The following ARHGAP9 variants were observed in gnomAD, a reference collection of about 807,000 sequenced individuals.
The protein encoded by ARHGAP9 is rho GTPase-activating protein 9.
Under a neutral mutation model 87.3 loss-of-function variants are expected in ARHGAP9, and 76 were observed. That is an observed-to-expected ratio of 0.87 (90% CI 0.72 to 1.05). ARHGAP9 has a LOEUF of 1.05. ARHGAP9 is among the 50% of genes least tolerant of loss of function. ARHGAP9 has a pLI of 0.00. For missense variants in ARHGAP9, 941 were observed against 960.5 expected, an observed-to-expected ratio of 0.98 and a Z score of 0.27; for synonymous variants, 382 against 394.9, an observed-to-expected ratio of 0.97 and a Z score of 0.39.
rs1874177157 is a variant in ARHGAP9, at chr12:57,477,454, C to T, written c.756+5G>A. On this transcript the variant is annotated splice_donor_5th_base_variant and intron_variant, in intron 4 of 17. Transcript: ENST00000393791. ...ACAGTGGAGAAGCAGGAGGTAAGGT[C>T]TCACCGTCTCGCTGCGACTGCGGCG... 4 of 1,613,820 alleles carry T rather than the reference C, an allele frequency of 2.5e-6. No individual in the cohort carries two copies. The highest frequency in any genetic ancestry group is 3.4e-6 in the Non-Finnish European group (4 of 1,179,868).
At chr12:57,479,944 A>C (rs1219428404), upstream of ARHGAP9, 1 of 1,414,388 alleles carries the variant, frequency 7.1e-7, no homozygotes, top group Non-Finnish European at 9.2e-7. Context: ...CTCAGACCAT[A>C]GCTGCGTGCT....
intron 1 of ARHGAP9, chr12:57,487,980 CAGGG>C: frequency 2.5e-6 from 2 of 813,772 alleles, no homozygotes; most frequent in Non-Finnish European, 4.2e-6. Flanking sequence ...GTAGCGGTGC[CAGGG>C]CAGTGGCCTA....
chr12:57,477,153 C>T lies in ARHGAP9; in HGVS notation c.870+3G>A. The T allele has an allele frequency of 6.2e-7, 1 of 1,613,584 alleles. No individual in the cohort carries two copies. Among genetic ancestry groups the T allele is most frequent in the Non-Finnish European group, 8.5e-7 (1 of 1,179,662 alleles). ...TGTGACTGGGAGATGGGAGGGATCTCACCTGTGGGTCAAGCGGTTCTGGGG... is the reference window on the plus strand; with the variant it reads ...TGTGACTGGGAGATGGGAGGGATCTTACCTGTGGGTCAAGCGGTTCTGGGG... On this transcript the variant is annotated splice_donor_region_variant and intron_variant, in intron 5 of 17. Coordinates refer to ENST00000393791, the MANE Select transcript of ARHGAP9 (RefSeq NM_032496.4).
At position 57,474,700 on chromosome 12, in the gene ARHGAP9, A is replaced by G. The variant is rs1872941891; in HGVS notation, c.1655T>C (p.Leu552Pro). The change falls in exon 14 of 18, where the codon CTA becomes CCA. Residue 552 changes from leucine to proline, a missense_variant. Transcript: ENST00000393791. ...CACCCGATAAATGCCATCCACATCTAGACCTGGGAGATGAGGAAGGAGTAG... is the reference window on the plus strand; with the variant it reads ...CACCCGATAAATGCCATCCACATCTGGACCTGGGAGATGAGGAAGGAGTAG... ...LCIAAVDKRGLDVDGIYRVSG... is the reference protein window; with the variant it reads ...LCIAAVDKRGPDVDGIYRVSG... 4.3e-6 allele frequency: 7 copies of G among 1,614,052 alleles called. No individual in the cohort carries two copies. Among genetic ancestry groups the G allele is most frequent in the Non-Finnish European group, 5.9e-6 (7 of 1,180,022 alleles).
rs878878995 is a variant in ARHGAP9 at position 57,473,725 on chromosome 12, G to A, written c.1919-17C>T. ...CGGAGAGTGCTAGAGAGAGTGATGG[G>A]AAAGGCATGGTAGTAAGGTTAGGGA... On this transcript the variant is annotated splice_polypyrimidine_tract_variant and intron_variant, in intron 16 of 17. Transcript: ENST00000393791. 8.1e-6 allele frequency: 13 copies of A among 1,605,432 alleles called. No individual in the cohort carries two copies. In the Admixed American group the frequency reaches 2.2e-4, roughly 27 times the overall value.
upstream of ARHGAP9, chr12:57,483,765 C>A: frequency 2.9e-6 from 1 of 339,714 alleles, no homozygotes; most frequent in South Asian, 2.1e-5. Context: ...CTCAGCCAGG[C>A]GTGATGGCTC....
intron 3 of ARHGAP9, chr12:57,478,002 C>T: frequency 2.6e-6 from 3 of 1,164,330 alleles, no homozygotes; most frequent in Non-Finnish European, 3.3e-6. Context: ...GTGCCCCACC[C>T]TCACATCCTG....
At position 57,476,398 on chromosome 12, in the gene ARHGAP9, C is replaced by A. The variant is rs758490338; in HGVS notation, c.1082G>T (p.Arg361Leu). Residue 361 changes from arginine (R) to leucine (L), a missense_variant, in exon 8 of 18, where the codon CGA (arginine) becomes CTA (leucine). Arg to Leu is a moderately radical substitution (Grantham distance 102). Transcript: ENST00000393791. ...VLTGNSLVFY[R>L]EPPPTAPSSG... is the part of the protein sequence containing the mutation. ...GGAGGGCGCTGTCGGCGGTGGCTCT[C>A]GGTAGAACACCAGGCTGTTACCCGT... is the stretch of plus-strand genomic sequence containing the variant. 104 of 1,613,944 alleles carry A rather than the reference C, an allele frequency of 6.4e-5. No homozygotes were observed. The highest frequency in any genetic ancestry group is 1.6e-4 in the Middle Eastern group (1 of 6,078).
chr12:57,486,292 C>T (rs1243033730), intron 1 of ARHGAP9, among the ~76,000 whole-genome samples: 2 of 150,098 alleles, frequency 1.3e-5, no homozygotes, highest in Non-Finnish European at 3.0e-5. Context: ...TTTTTTGAGA[C>T]GAAGTCTTGC....
At chr12:57,488,464 C>A in intron 1 of ARHGAP9, 1 of 1,156,508 alleles carries the variant, frequency 8.6e-7, no homozygotes. Flanking sequence ...CAGTAAACTG[C>A]TCTTCCCTTC....
Position 57,479,194 on chromosome 12 carries a change from G to A in ARHGAP9, c.213C>T (p.Ser71=). 4 of 1,614,224 alleles carry A rather than the reference G, an allele frequency of 2.5e-6. No individual in the cohort carries two copies. Among genetic ancestry groups the A allele is most frequent in the Admixed American group, 1.7e-5 (1 of 60,030 alleles). The part of the protein sequence containing the change: ...WWLARRLEAP[S]TSRPIFVPAA... The stretch of plus-strand genomic sequence containing the variant: ...CTGGGACGAAGATGGGTCGAGAGGT[G>A]GAGGGAGCTTCTAGGCGTCTTGCCA... The change falls in exon 2 of 18, where the codon TCC becomes TCT. Residue 71 remains serine (S), a synonymous_variant. Coordinates refer to ENST00000393791, the MANE Select transcript of ARHGAP9 (RefSeq NM_032496.4).
Position 57,475,586 on chromosome 12 carries a change from C to T in ARHGAP9, c.1341G>A (p.Leu447=). 1.2e-6 allele frequency: 2 copies of T among 1,612,486 alleles called. No homozygotes were observed. The highest frequency in any genetic ancestry group is 1.7e-6 in the Non-Finnish European group (2 of 1,179,542). Residue 447 remains leucine (L), a synonymous_variant, in exon 11 of 18, where the codon CTG becomes CTA. Transcript: ENST00000393791. Reference sequence around the variant, plus strand: ...TCAGCTCCGCGGGTCCAGAGCCCGACAGACGCAGCTCCAGGGGGTTCTCCC... The same window carrying T: ...TCAGCTCCGCGGGTCCAGAGCCCGATAGACGCAGCTCCAGGGGGTTCTCCC... ...LDRENPLELR[L]SGSGPAELSA...
intron 17 of ARHGAP9, among the ~76,000 whole-genome samples, chr12:57,473,152 G>A (rs1355606646): frequency 1.3e-5 from 2 of 152,108 alleles, no homozygotes; most frequent in East Asian, 1.9e-4. Flanking sequence ...TGACGGGCAC[G>A]GTGTAATCCC....
chr12:57,473,804 A>T (rs1386630091), intron 16 of ARHGAP9, 96 bp from the exon 17 acceptor site: 1 of 1,249,746 alleles, frequency 8.0e-7, no homozygotes, highest in Non-Finnish European at 1.1e-6. Flanking sequence ...GGCATGGAAG[A>T]CATCATTAAT....
Position 57,474,147 on chromosome 12 carries a change from A to T in ARHGAP9, c.1813T>A (p.Trp605Arg). Residue 605 changes from tryptophan to arginine, a missense_variant, in exon 16 of 18, where the codon TGG (tryptophan) becomes AGG (arginine). Trp to Arg is a moderately radical substitution (Grantham distance 101). Coordinates refer to ENST00000393791, the MANE Select transcript of ARHGAP9 (RefSeq NM_032496.4). ...CCGGTGACCACATGAATGTCATCCC[A>T]CTCAGTACTGTCCAAATCTAACCGA... ...EGRLDLDSTE[W>R]DDIHVVTGAL... The T allele has an allele frequency of 6.2e-7, 1 of 1,614,134 alleles. No homozygotes were observed. The highest frequency in any genetic ancestry group is 8.5e-7 in the Non-Finnish European group (1 of 1,179,996).
Position 57,479,831 on chromosome 12 carries a change from T to A in ARHGAP9, c.-120A>T. ...AAGGAGATAAGAAGAAAGAATCAGG[T>A]TCAAGACAGAAACAGGGAGACACAA... On this transcript the variant is annotated 5_prime_UTR_variant, in exon 1 of 18. Transcript: ENST00000393791. The A allele has an allele frequency of 3.3e-6, 5 of 1,511,220 alleles. No individual in the cohort carries two copies. Among genetic ancestry groups the A allele is most frequent in the Non-Finnish European group, 4.4e-6 (5 of 1,127,704 alleles). The allele number at this position is 1,511,220 out of a possible 1,614,324, so 93.6% of individuals were successfully genotyped here.
chr12:57,475,664 T>C (rs2277318), intron 10 of ARHGAP9, 49 bp from the exon 11 acceptor site: 1,034,713 of 1,585,810 alleles, frequency 0.65, 342,900 homozygotes, highest in Middle Eastern at 0.75. Context: ...GAGAAATCTG[T>C]ATCCCTAGCT....
chr12:57,480,248 C>A, upstream of ARHGAP9: 3 of 474,264 alleles, frequency 6.3e-6, no homozygotes, highest in Non-Finnish European at 8.3e-6. Flanking sequence ...ATGGCGAGAT[C>A]TCGGGTCACT....
chr12:57,488,392 T>G, intron 1 of ARHGAP9: 1 of 725,450 alleles, frequency 1.4e-6, no homozygotes, highest in Non-Finnish European at 2.3e-6. Flanking sequence ...TTACCCTCAA[T>G]ATAATACCCT....
Sources: allele counts gnomAD v4.1 joint callset (sites outside exome capture counted in the v4.1 genomes callset), GRCh38; gene constraint gnomAD v4.1.1; transcripts MANE v1.5; gene names NCBI Gene and HGNC (gene_info 2026-07-23, HGNC 2026-07-21).